Variants in SAMSN1 observed in about 807,000 individuals in gnomAD.
SAMSN1 encodes the protein SAM domain, SH3 domain and nuclear localization signals 1, also known as SAM domain-containing protein SAMSN-1.
In SAMSN1, 31 loss-of-function variants were observed where a neutral mutation model predicts 42.0. The observed-to-expected ratio is 0.74, with a 90% CI of 0.55 to 1.00. SAMSN1 has a LOEUF of 1.00. Among genes scored for constraint, SAMSN1 ranks in the 50% least tolerant of loss-of-function variants. SAMSN1 has a pLI of 0.00. For synonymous variants in SAMSN1, 178 were observed against 151.9 expected (o/e 1.17, Z -1.26); for missense variants, 464 against 439.4 (o/e 1.06, Z -0.50).
chr21:14,609,428 C>G, intron 5 of SAMSN1: 1 of 714,738 alleles, frequency 1.4e-6, no homozygotes, highest in Non-Finnish European at 2.6e-6. Flanking sequence ...CTTACCTGCC[C>G]TTTAAACTAC....
At chr21:14,553,098 T>A (rs1183957112) in intron 2 of SAMSN1, among the ~76,000 whole-genome samples, 1 of 152,086 alleles carries the variant, frequency 6.6e-6, no homozygotes, top group African/African-American at 2.4e-5. Flanking sequence ...ATAATATATT[T>A]TCTTGATTTA....
chr21:14,613,048 T>C, intron 3 of SAMSN1: 1 of 491,744 alleles, frequency 2.0e-6, no homozygotes, highest in Non-Finnish European at 3.7e-6. Context: ...ACCTATGGTC[T>C]TGAATTTTCC....
intron 2 of SAMSN1, among the ~76,000 whole-genome samples, chr21:14,517,309 T>G (rs895115343): frequency 3.3e-5 from 5 of 152,226 alleles, no homozygotes; most frequent in African/African-American, 1.2e-4. Flanking sequence ...TTTTGACTAT[T>G]TTTTAAATAG....
At chr21:14,576,769 A>G (rs1189424229) in intron 2 of SAMSN1, among the ~76,000 whole-genome samples, 1 of 152,052 alleles carries the variant, frequency 6.6e-6, no homozygotes, top group Non-Finnish European at 1.5e-5. Context: ...TCACCTTCAG[A>G]TGCTGTATAT....
chr21:14,570,081 A>T (rs1285194500), intron 2 of SAMSN1, among the ~76,000 whole-genome samples: 1 of 151,728 alleles, frequency 6.6e-6, no homozygotes, highest in Non-Finnish European at 1.5e-5. Context: ...GTGGTGGTTG[A>T]CTATCACATG....
chr21:14,643,061 T>C (rs1168498261), exon 2 of SAMSN1: 4 of 717,332 alleles, frequency 5.6e-6, no homozygotes, highest in South Asian at 3.0e-5. Context: ...GGAGAATCAG[T>C]TCTACTAGAC....
upstream of SAMSN1, chr21:14,583,564 G>T: frequency 1.5e-6 from 1 of 654,298 alleles, no homozygotes; most frequent in African/African-American, 1.8e-5. Flanking sequence ...ATTATCTTAA[G>T]ACTTTATCAA....
chr21:14,505,451 T>C (rs8127264), intron 5 of SAMSN1, among the ~76,000 whole-genome samples: 10,914 of 152,212 alleles, frequency 0.072, 1,217 homozygotes, highest in African/African-American at 0.24. Flanking sequence ...ATAGTTACTG[T>C]TATATCAGAC....
chr21:14,516,623 T>A (rs1464510764), intron 3 of SAMSN1, among the ~76,000 whole-genome samples: 2 of 152,052 alleles, frequency 1.3e-5, no homozygotes, highest in Admixed American at 6.6e-5. Context: ...AACTCCTGAC[T>A]TCAGGTGATC....
At chr21:14,569,188 G>T (rs1981211497) in intron 2 of SAMSN1, among the ~76,000 whole-genome samples, 1 of 152,082 alleles carries the variant, frequency 6.6e-6, no homozygotes, top group Admixed American at 6.6e-5. Flanking sequence ...CTGTCTACTT[G>T]GGAGGCTGAG....
intron 5 of SAMSN1, among the ~76,000 whole-genome samples, chr21:14,504,547 A>G (rs1268900759): frequency 6.6e-6 from 1 of 152,224 alleles, no homozygotes; most frequent in Non-Finnish European, 1.5e-5. Context: ...CCAAACCAAC[A>G]AAGACAAAGA....
chr21:14,595,996 G>C (rs922104508), intron 6 of SAMSN1, among the ~76,000 whole-genome samples: 1 of 152,090 alleles, frequency 6.6e-6, no homozygotes, highest in Non-Finnish European at 1.5e-5. Context: ...AAATCAAAAA[G>C]TAAAACACCC....
chr21:14,537,182 C>T (rs1192555602), intron 1 of SAMSN1, among the ~76,000 whole-genome samples: 2 of 152,204 alleles, frequency 1.3e-5, no homozygotes, highest in Non-Finnish European at 2.9e-5. Context: ...CACTCTGCCC[C>T]ACTGCTTCTC....
At chr21:14,526,548 T>C (rs1245011049) in intron 1 of SAMSN1, among the ~76,000 whole-genome samples, 2 of 152,210 alleles carry the variant, frequency 1.3e-5, no homozygotes. Context: ...CAATCTTAAT[T>C]ATTACAGAAT....
intron 6 of SAMSN1, 28 bp downstream of exon 6, chr21:14,500,501 A>G (rs750289954): frequency 1.3e-6 from 2 of 1,599,016 alleles, no homozygotes; most frequent in African/African-American, 2.7e-5. Flanking sequence ...CATGCTTCCA[A>G]AAGCAAACAG....
intron 7 of SAMSN1, among the ~76,000 whole-genome samples, chr21:14,493,884 T>A (rs908633133): frequency 1.3e-5 from 2 of 152,242 alleles, no homozygotes; most frequent in East Asian, 3.9e-4. Flanking sequence ...CTTGCTGGGA[T>A]TGCAGAACCC....
intron 4 of SAMSN1, chr21:14,609,655 G>A: frequency 1.4e-6 from 1 of 701,688 alleles, no homozygotes; most frequent in Non-Finnish European, 2.6e-6. Flanking sequence ...AACAAGTTCA[G>A]CACAGGATTT....
chr21:14,496,398 T>A (rs547330760), intron 7 of SAMSN1: 2 of 152,210 alleles, frequency 1.3e-5, no homozygotes, highest in Middle Eastern at 3.2e-3. Flanking sequence ...AATACCTAGA[T>A]GTGTGCTATT....
Position 14,500,619 on chromosome 21 carries a change from T to C in SAMSN1, c.678A>G (p.Glu226=). The change falls in exon 6 of 8, where the codon GAA becomes GAG. Residue 226 remains glutamate, a synonymous_variant. Coordinates refer to ENST00000400566, the MANE Select transcript of SAMSN1 (RefSeq NM_022136.5). ...TTGCCTTTATTTTCTTGGGGGCTGC[T>C]TCCTCTTCTGAGATGACATCCACAT... The part of the protein sequence containing the change: ...FIYVDVISEE[E]AAPKKIKANR... 6.2e-7 allele frequency: 1 copy of C among 1,614,142 alleles called. No individual in the cohort carries two copies. Among genetic ancestry groups the C allele is most frequent in the Non-Finnish European group, 8.5e-7 (1 of 1,179,994 alleles).
Sources: allele counts gnomAD v4.1 joint callset (sites outside exome capture counted in the v4.1 genomes callset), GRCh38; gene constraint gnomAD v4.1.1; transcripts MANE v1.5; gene names NCBI Gene and HGNC (gene_info 2026-07-23, HGNC 2026-07-21).